The following EPN2 variants were observed in gnomAD, a reference collection of about 807,000 sequenced individuals.
The protein encoded by EPN2 is epsin 2.
A neutral mutation model predicts 61.7 loss-of-function variants in EPN2; 34 were observed. That is an observed-to-expected ratio of 0.55 (90% CI 0.42 to 0.73). The LOEUF is 0.73. EPN2 is among the 30% of genes least tolerant of loss of function. EPN2 has a pLI of 0.00. For synonymous variants in EPN2, 349 were observed against 353.6 expected, an observed-to-expected ratio of 0.99 and a Z score of 0.15; for missense variants, 714 against 839.2, an observed-to-expected ratio of 0.85 and a Z score of 1.84.
intron 1 of EPN2, among the ~76,000 whole-genome samples, chr17:19,260,303 G>T (rs1368774684): frequency 6.6e-6 from 1 of 152,254 alleles, no homozygotes; most frequent in African/African-American, 2.4e-5. Flanking sequence ...AGGAAACCCA[G>T]ACTGAGTGGA....
intron 1 of EPN2, among the ~76,000 whole-genome samples, chr17:19,243,993 A>T (rs975972648): frequency 6.6e-6 from 1 of 152,178 alleles, no homozygotes; most frequent in African/African-American, 2.4e-5. Flanking sequence ...ATGACACTGA[A>T]ATGTTTCTGA....
chr17:19,262,965 A>T (rs1029156962), intron 1 of EPN2, among the ~76,000 whole-genome samples: 7 of 152,236 alleles, frequency 4.6e-5, no homozygotes, highest in African/African-American at 1.7e-4. Context: ...GATAGATCAC[A>T]TGTTGTTGAT....
intron 7 of EPN2, among the ~76,000 whole-genome samples, chr17:19,326,558 GTGCC>G (rs1906878296): frequency 6.6e-6 from 1 of 151,926 alleles, no homozygotes; most frequent in Admixed American, 6.6e-5. Context: ...GTGGTGGTGG[GTGCC>G]TGTAGTCCCA....
intron 1 of EPN2, chr17:19,276,549 G>C (rs1004757261): frequency 3.0e-4 from 46 of 151,550 alleles, no homozygotes; most frequent in African/African-American, 1.1e-3. Flanking sequence ...GTACAGAAAG[G>C]TTTGTTTGCC....
chr17:19,255,568 T>G (rs1476804731), intron 1 of EPN2, among the ~76,000 whole-genome samples: 2 of 148,810 alleles, frequency 1.3e-5, no homozygotes, highest in African/African-American at 2.5e-5. Flanking sequence ...GAGTTTTTTT[T>G]TTTTTTTTTT....
rs559415697 is a variant in EPN2, at chr17:19,252,775, C to T, written c.-294+15244C>T. Among the ~76,000 whole-genome samples the T allele has an allele frequency of 1.3e-4, 20 of 152,192 alleles. No homozygotes were observed. The South Asian group carries it at 1.9e-3, about 14-fold the overall frequency. ...TGTGATCTCTGCTCACCGCAACCTC[C>T]GCCTCCTGGGCTCAAGCCATCCTCC... On this transcript the variant is annotated intron_variant, in intron 1 of 10. Transcript: ENST00000314728.
chr17:19,242,421 C>T (rs918739082), intron 1 of EPN2, among the ~76,000 whole-genome samples: 2 of 152,140 alleles, frequency 1.3e-5, no homozygotes, highest in African/African-American at 2.4e-5. Flanking sequence ...AGACTCTTGT[C>T]TCAAAAAACA....
intron 8 of EPN2, 187 bp from the exon 9 acceptor site, chr17:19,329,374 C>T: frequency 5.5e-6 from 3 of 548,616 alleles, no homozygotes; most frequent in South Asian, 2.8e-5. Context: ...CTCCCTGTCT[C>T]CCCTCCCAGC....
Position 19,283,223 on chromosome 17 carries a change from C to T in EPN2, c.104C>T (p.Pro35Leu), listed in dbSNP as rs367827336. ...REATSNDPWG[P>L]SSSLMTEIAD... ...GCCACCTCCAATGACCCGTGGGGCC[C>T]GTCCAGTTCTCTGATGACCGAGATT... is the stretch of plus-strand genomic sequence containing the variant. Residue 35 changes from proline (P) to leucine (L), a missense_variant, in exon 3 of 11, where the codon CCG becomes CTG. By Grantham distance (98) the Pro-to-Leu change is moderately conservative. Coordinates refer to ENST00000314728, the MANE Select transcript of EPN2 (RefSeq NM_014964.5). This position sits in a 1 kb window ranked among gnomAD's most constrained non-coding sequence, Gnocchi z 7.0. 6 of 1,614,110 alleles carry T rather than the reference C, an allele frequency of 3.7e-6. No homozygotes were observed. Among genetic ancestry groups the T allele is most frequent in the Non-Finnish European group, 5.1e-6 (6 of 1,180,014 alleles).
intron 7 of EPN2, among the ~76,000 whole-genome samples, chr17:19,328,133 A>G (rs1906979309): frequency 6.6e-6 from 1 of 152,136 alleles, no homozygotes; most frequent in South Asian, 2.1e-4. Context: ...CCTGTTTGAA[A>G]GTGTTTTATT....
In EPN2 at chr17:19,334,281, C is replaced by G; in HGVS notation, c.*27C>G. 1.4e-6 allele frequency: 2 copies of G among 1,417,120 alleles called. No individual in the cohort carries two copies. The highest frequency in any genetic ancestry group is 1.9e-6 in the Non-Finnish European group (2 of 1,077,736). The allele number at this position is 1,417,120 out of a possible 1,614,324, so 87.8% of individuals were successfully genotyped here. A position where few individuals can be genotyped will look rare whatever the true frequency, so the allele number is the denominator to read the frequency against. On this transcript the variant is annotated 3_prime_UTR_variant, in exon 11 of 11. Transcript: ENST00000314728. The surrounding 1 kb of genome is among the most constrained non-coding windows in gnomAD (Gnocchi z 4.9). ...GCCTGGGCCTGGGACCCACCCAGAG[C>G]ACCTGTGCTGGAGGATGCCGAGCAG...
chr17:19,331,778 A>G (rs1907163753), intron 9 of EPN2, 75 bp from the exon 10 acceptor site: 1 of 1,303,346 alleles, frequency 7.7e-7, no homozygotes, highest in South Asian at 1.2e-5. Flanking sequence ...CCAGGAGGCC[A>G]TGTTTTGTGT....
chr17:19,326,425 G>C (rs552988876), intron 7 of EPN2, among the ~76,000 whole-genome samples: 17 of 152,100 alleles, frequency 1.1e-4, no homozygotes, highest in African/African-American at 4.1e-4. Context: ...GGTGGCTCAC[G>C]CCTGTAATCC....
chr17:19,313,983 G>A (rs1322234012), intron 7 of EPN2, among the ~76,000 whole-genome samples: 1 of 152,140 alleles, frequency 6.6e-6, no homozygotes, highest in Non-Finnish European at 1.5e-5. Context: ...AAACCCTACT[G>A]GGCGTGGCTG....
intron 4 of EPN2, among the ~76,000 whole-genome samples, chr17:19,289,320 G>A (rs1479683026): frequency 6.6e-6 from 1 of 151,992 alleles, no homozygotes; most frequent in African/African-American, 2.4e-5. Context: ...TCCTGACCCC[G>A]TGATCCGCCC....
At position 19,330,023 on chromosome 17, in the gene EPN2, G is replaced by A. The variant is rs144529828; in HGVS notation, c.1411+376G>A. On this transcript the variant is annotated intron_variant, in intron 9 of 10. Coordinates refer to ENST00000314728, the MANE Select transcript of EPN2 (RefSeq NM_014964.5). ...ACAACCACCTTTGGGCATCAGTGGG[G>A]CCAGCCTCTGCCCTGTGTTGTCACC... Among the ~76,000 whole-genome samples, 334 of 152,274 alleles carry A rather than the reference G, an allele frequency of 2.2e-3. 2 individuals are homozygous for A. The highest frequency in any genetic ancestry group is 7.7e-3 in the African/African-American group (318 of 41,560).
At chr17:19,289,724 G>GTTTTGTTTTGTTTTTTTTTTTTTTTTT in intron 4 of EPN2, among the ~76,000 whole-genome samples, 1 of 78,028 alleles carries the variant, frequency 1.3e-5, no homozygotes, top group Non-Finnish European at 2.3e-5. Flanking sequence ...GGCGCTCATG[G>GTTTTGTTTTGTTTTTTTTTTTTTTTTT]TTTTTTTTTT....
intron 4 of EPN2, among the ~76,000 whole-genome samples, chr17:19,306,957 G>C (rs1437447362): frequency 6.6e-6 from 1 of 152,156 alleles, no homozygotes; most frequent in Non-Finnish European, 1.5e-5. Flanking sequence ...GGCTGGAGTG[G>C]TTAATGATTT....
At chr17:19,308,198 CA>C (rs1328365849) in intron 4 of EPN2, 3 of 456,744 alleles carry the variant, frequency 6.6e-6, no homozygotes, top group African/African-American at 6.4e-5. Context: ...CTCAGCCTCC[CA>C]AGTAGTTGGG....
Sources: gnomAD v4.1 joint callset for allele counts (sites outside exome capture counted in the v4.1 genomes callset) on GRCh38, gnomAD v4.1.1 for gene constraint, Gnocchi (gnomAD v3.1) non-coding constraint, MANE v1.5 for transcripts, NCBI Gene and HGNC (gene_info 2026-07-23, HGNC 2026-07-21) for gene names.